The following CHFR variants were observed in gnomAD, a reference collection of about 807,000 sequenced individuals.
The protein encoded by CHFR is E3 ubiquitin-protein ligase CHFR.
CHFR carries 57 observed loss-of-function variants against 87.6 expected under a neutral mutation model. That is an observed-to-expected ratio of 0.65 (90% CI 0.53 to 0.81). CHFR has a LOEUF of 0.81. CHFR is among the 30% of genes least tolerant of loss of function. The probability of loss-of-function intolerance (pLI) is 0.00; values close to 1 mark genes in which losing one functional copy is unlikely to be tolerated. For missense variants in CHFR, 797 were observed against 865.8 expected, an observed-to-expected ratio of 0.92 and a Z score of 1.00; for synonymous variants, 381 against 359.2, an observed-to-expected ratio of 1.06 and a Z score of -0.69.
rs76562896 is a variant in CHFR, at chr12:132,883,070, G to A, written c.133+4126C>T. ...AAGTTCTATTCACAGCATTTGCTGC[G>A]CTTGACGCTTGGTGGGTTAAATCTT... is the stretch of plus-strand genomic sequence containing the variant. On this transcript the variant is annotated intron_variant, in intron 2 of 17. Coordinates refer to ENST00000450056, the MANE Select transcript of CHFR (RefSeq NM_001161346.2). The A allele has an allele frequency of 4.6e-5, 7 of 152,256 alleles. No homozygotes were observed. The East Asian group carries it at 1.2e-3, about 25-fold the overall frequency. 9.4% of individuals were successfully genotyped at this position (152,256 alleles called of 1,614,324 possible). A position where few individuals can be genotyped will look rare whatever the true frequency, so the allele number is the denominator to read the frequency against.
Position 132,886,504 on chromosome 12 carries a change from T to C in CHFR, c.133+692A>G, listed in dbSNP as rs182447560. Reference sequence around the variant, plus strand: ...CATTTTTGTTGACAGGACCAGCGCATTTCTCTCCCCATACAAAGGCTTCAG... The same window carrying C: ...CATTTTTGTTGACAGGACCAGCGCACTTCTCTCCCCATACAAAGGCTTCAG... On this transcript the variant is annotated intron_variant, in intron 2 of 17. Transcript: ENST00000450056. Among the ~76,000 whole-genome samples, 27 of 152,246 alleles carry C rather than the reference T, an allele frequency of 1.8e-4. 1 individual carries two copies. The East Asian group carries it at 4.4e-3, about 25-fold the overall frequency.
chr12:132,846,638 T>C (rs1466130297), intron 15 of CHFR, among the ~76,000 whole-genome samples: 3 of 152,046 alleles, frequency 2.0e-5, no homozygotes, highest in East Asian at 2.0e-4. Context: ...TCCAGCACTT[T>C]GGGAAGCTGA....
chr12:132,847,705 G>A (rs1405250851), intron 14 of CHFR: 6 of 1,109,248 alleles, frequency 5.4e-6, no homozygotes, highest in Non-Finnish European at 4.4e-6. Flanking sequence ...CTAGACGTGG[G>A]AAGGCAAATG....
chr12:132,883,648 A>AC (rs1951819506), intron 2 of CHFR, among the ~76,000 whole-genome samples: 1 of 152,082 alleles, frequency 6.6e-6, no homozygotes, highest in African/African-American at 2.4e-5. Context: ...AATGGTGTGA[A>AC]CCCAAGAGGC....
At chr12:132,854,063 A>T (rs1951008985) in intron 10 of CHFR, 1 of 153,378 alleles carries the variant, frequency 6.5e-6, no homozygotes, top group South Asian at 2.0e-4. Flanking sequence ...AACTGTAAAA[A>T]AAGAACCTGT....
intron 6 of CHFR, chr12:132,861,988 T>A (rs1951219601): frequency 4.5e-6 from 1 of 222,428 alleles, no homozygotes; most frequent in African/African-American, 2.2e-5. Context: ...CAACAGAGCT[T>A]TGGGCCGGGT....
At chr12:132,861,443 G>A in intron 7 of CHFR, 24 bp downstream of exon 7, 1 of 1,611,278 alleles carries the variant, frequency 6.2e-7, no homozygotes, top group Non-Finnish European at 8.5e-7. Context: ...AGAGGACTGA[G>A]GACACACACA....
intron 3 of CHFR, among the ~76,000 whole-genome samples, chr12:132,875,006 C>T (rs191485801): frequency 1.2e-3 from 178 of 151,368 alleles, no homozygotes; most frequent in African/African-American, 4.2e-3. Flanking sequence ...CAGCACCCAG[C>T]GTGGAGAAGC....
intron 3 of CHFR, among the ~76,000 whole-genome samples, chr12:132,873,203 G>C (rs760738606): frequency 6.6e-6 from 1 of 152,208 alleles, no homozygotes; most frequent in African/African-American, 2.4e-5. Context: ...TGACCACCAC[G>C]GTTTGCTGAG....
chr12:132,876,313 T>C (rs1419166915), intron 3 of CHFR, among the ~76,000 whole-genome samples: 3 of 152,246 alleles, frequency 2.0e-5, no homozygotes, highest in Non-Finnish European at 4.4e-5. Flanking sequence ...ACTTTCCAAG[T>C]TGAATATCCC....
At chr12:132,843,132 C>T (rs1345071515) in intron 16 of CHFR, 49 bp from the exon 17 acceptor site, 4 of 1,532,544 alleles carry the variant, frequency 2.6e-6, no homozygotes, top group Non-Finnish European at 3.6e-6. Context: ...TGCACGCACC[C>T]ACTCAGCTAC....
intron 15 of CHFR, among the ~76,000 whole-genome samples, chr12:132,844,742 T>C (rs1413414592): frequency 6.6e-6 from 1 of 152,180 alleles, no homozygotes; most frequent in Non-Finnish European, 1.5e-5. Context: ...CTGATTCTCC[T>C]GTCTCAGCCT....
intron 2 of CHFR, among the ~76,000 whole-genome samples, chr12:132,885,502 G>C (rs924358936): frequency 6.6e-6 from 1 of 152,024 alleles, no homozygotes; most frequent in African/African-American, 2.4e-5. Flanking sequence ...TGCTATGGTA[G>C]TATGAACAAA....
In CHFR at chr12:132,859,106, T is replaced by C. The variant is rs1369689338; in HGVS notation, c.873A>G (p.Thr291=). The C allele has an allele frequency of 2.5e-6, 4 of 1,614,086 alleles. No homozygotes were observed. Among genetic ancestry groups the C allele is most frequent in the Non-Finnish European group, 3.4e-6 (4 of 1,179,956 alleles). Residue 291 remains threonine (T), a synonymous_variant, in exon 8 of 18, where the codon ACA becomes ACG. Transcript: ENST00000450056. The stretch of plus-strand genomic sequence containing the variant: ...GCAGCAGGTCCTGGCAGATGATGCA[T>C]GTCAGCGTCTCCTCCATCTTGTCTG... ...GKPDKMEETL[T]CIICQDLLHD...
intron 15 of CHFR, among the ~76,000 whole-genome samples, chr12:132,846,316 G>A (rs1439697495): frequency 6.7e-6 from 1 of 150,258 alleles, no homozygotes; most frequent in Non-Finnish European, 1.5e-5. Context: ...AGGCTGGAGT[G>A]CAGTGGCGTG....
chr12:132,887,496 A>G (rs1411533952), intron 1 of CHFR, 51 bp downstream of exon 1: 2 of 282,260 alleles, frequency 7.1e-6, no homozygotes, highest in African/African-American at 4.6e-5. Context: ...CACGGCCGCA[A>G]CCAGGTCCCC....
In CHFR at chr12:132,877,569, T is replaced by G. The variant is rs115711908; in HGVS notation, c.219A>C (p.Thr73=). Reference sequence around the variant, plus strand: ...AACATACTCACCTGGTATCTTCCAGTGTCACCTGACCTGATTTTTCATCCA... The same window carrying G: ...AACATACTCACCTGGTATCTTCCAGGGTCACCTGACCTGATTTTTCATCCA... ...IVVDEKSGQV[T]LEDTSTSGTV... The change falls in exon 3 of 18, where the codon ACA becomes ACC. Residue 73 remains threonine, a synonymous_variant. Transcript: ENST00000450056. 24 of 1,609,462 alleles carry G rather than the reference T, an allele frequency of 1.5e-5. No homozygotes were observed. The highest frequency in any genetic ancestry group is 2.0e-5 in the Non-Finnish European group (23 of 1,176,716).
chr12:132,859,512 G>T (rs1041704758), intron 7 of CHFR, among the ~76,000 whole-genome samples: 1 of 152,014 alleles, frequency 6.6e-6, no homozygotes. Context: ...CACCACGCCC[G>T]GCTAATTTTG....
At chr12:132,844,272 A>C in intron 15 of CHFR, 138 bp from the exon 16 acceptor site, 2 of 610,820 alleles carry the variant, frequency 3.3e-6, no homozygotes, top group Non-Finnish European at 3.1e-6. Flanking sequence ...AATAAGAACA[A>C]AGCCAATCTA....
Sources: gnomAD v4.1 joint callset for allele counts (sites outside exome capture counted in the v4.1 genomes callset) on GRCh38, gnomAD v4.1.1 for gene constraint, MANE v1.5 for transcripts, NCBI Gene and HGNC (gene_info 2026-07-23, HGNC 2026-07-21) for gene names.